Variants in ADCY1 observed in about 807,000 individuals in gnomAD.
ADCY1 encodes the protein adenylate cyclase type 1.
In ADCY1, 28 loss-of-function variants were observed where a neutral mutation model predicts 105.4. The observed-to-expected ratio is 0.27, with a 90% CI of 0.20 to 0.36. The LOEUF is 0.36. Ranked by LOEUF, ADCY1 falls within the 10% of genes least tolerant of loss-of-function variation. The pLI, the probability that ADCY1 is intolerant of heterozygous loss-of-function variation, is 1.00. For synonymous variants in ADCY1, 655 were observed against 623.8 expected, an observed-to-expected ratio of 1.05 and a Z score of -0.75; for missense variants, 977 against 1,434.2, an observed-to-expected ratio of 0.68 and a Z score of 5.15.
Position 45,577,013 on chromosome 7 carries a change from A to G in ADCY1, c.639+1831A>G, listed in dbSNP as rs553153862. ...AAAAGAGAGAGGGGAGAGTCTATAA[A>G]GGAGTTTCTGGACACAGGGAACTCT... On this transcript the variant is annotated intron_variant, in intron 1 of 19. Transcript: ENST00000297323. Among the ~76,000 whole-genome samples the G allele has an allele frequency of 3.6e-4, 55 of 152,342 alleles. 1 individual carries two copies. Among genetic ancestry groups the G allele is most frequent in the African/African-American group, 1.3e-3 (54 of 41,570 alleles).
In ADCY1 at chr7:45,660,148, G is replaced by A. The variant is rs1795055833; in HGVS notation, c.1414G>A (p.Glu472Lys). The change falls in exon 7 of 20, where the codon GAA becomes AAA. Residue 472 changes from glutamate (E) to lysine (K), a missense_variant. By Grantham distance (56) the Glu-to-Lys change is moderately conservative. Transcript: ENST00000297323. ...CAGTTTCTTGAAAACTCATAACATC[G>A]AAACCTTTTTTATTGTGCCATCCCA... ...RNSFLKTHNI[E>K]TFFIVPSHRR... The A allele has an allele frequency of 6.2e-7, 1 of 1,614,116 alleles. No homozygotes were observed. The highest frequency in any genetic ancestry group is 1.3e-5 in the African/African-American group (1 of 74,948).
At chr7:45,600,442 C>T (rs1224442347) in intron 2 of ADCY1, among the ~76,000 whole-genome samples, 11 of 152,240 alleles carry the variant, frequency 7.2e-5, no homozygotes, top group African/African-American at 1.2e-4. Flanking sequence ...TGACCCCACT[C>T]GCTGAGGAAG....
intron 14 of ADCY1, among the ~76,000 whole-genome samples, chr7:45,687,746 G>A (rs959344479): frequency 4.6e-5 from 7 of 152,342 alleles, no homozygotes; most frequent in African/African-American, 1.7e-4. Context: ...GGCCACTAAA[G>A]TAACATGCCA....
chr7:45,581,085 C>T (rs1584244284), intron 1 of ADCY1, among the ~76,000 whole-genome samples: 1 of 152,154 alleles, frequency 6.6e-6, no homozygotes, highest in Non-Finnish European at 1.5e-5. Context: ...TCTGGCATTT[C>T]AGGGGCTCTA....
At chr7:45,680,973 C>T (rs1305997914) in intron 11 of ADCY1, among the ~76,000 whole-genome samples, 3 of 152,226 alleles carry the variant, frequency 2.0e-5, no homozygotes, top group African/African-American at 4.8e-5. Flanking sequence ...CTGATTCTTG[C>T]GAGTGGATGT....
intron 10 of ADCY1, 42 bp from the exon 11 acceptor site, chr7:45,679,665 CTA>C: frequency 6.2e-7 from 1 of 1,607,326 alleles, no homozygotes; most frequent in Non-Finnish European, 8.5e-7. Context: ...TCCGCCTCTC[CTA>C]ATCCCCACCT....
At chr7:45,694,267 A>G (rs1784839485) in intron 14 of ADCY1, among the ~76,000 whole-genome samples, 1 of 152,236 alleles carries the variant, frequency 6.6e-6, no homozygotes, top group South Asian at 2.1e-4. Flanking sequence ...AAAAGGATTC[A>G]AATCATACAA....
chr7:45,679,658 G>A (rs368949138), intron 10 of ADCY1, 51 bp from the exon 11 acceptor site: 25 of 1,592,824 alleles, frequency 1.6e-5, no homozygotes, highest in African/African-American at 2.7e-5. Context: ...TCTTGGGTCC[G>A]CCTCTCCTAA....
intron 12 of ADCY1, 64 bp from the exon 13 acceptor site, chr7:45,685,898 A>C: frequency 6.5e-7 from 1 of 1,541,100 alleles, no homozygotes; most frequent in Non-Finnish European, 8.7e-7. Flanking sequence ...ACACCTGAGC[A>C]TGCTTAGGGG....
At position 45,574,513 on chromosome 7, in the gene ADCY1, C is replaced by CCCGCGG. The variant is rs1463063009; in HGVS notation, c.-20_-15dup. On this transcript the variant is annotated 5_prime_UTR_variant, in exon 1 of 20. Coordinates refer to ENST00000297323, the MANE Select transcript of ADCY1 (RefSeq NM_021116.4). This position sits in a 1 kb window ranked among gnomAD's most constrained non-coding sequence, Gnocchi z 7.0. ...GCGCCCCGGGCCGGCGAGGGGCGCG[C>CCCGCGG]CCGCGGCCGCGGCCGCTGCATGGCG... is the stretch of plus-strand genomic sequence containing the variant. 4 of 973,342 alleles carry CCCGCGG rather than the reference C, an allele frequency of 4.1e-6. No individual in the cohort carries two copies. Among genetic ancestry groups the CCCGCGG allele is most frequent in the Non-Finnish European group, 4.9e-6 (4 of 823,576 alleles). 60.3% of individuals were successfully genotyped at this position (973,342 alleles called of 1,614,324 possible).
chr7:45,587,925 T>C (rs1221012042), intron 1 of ADCY1, among the ~76,000 whole-genome samples: 1 of 152,176 alleles, frequency 6.6e-6, no homozygotes, highest in East Asian at 1.9e-4. Context: ...TTCTCTTTAC[T>C]TTTCCTTTTC....
At chr7:45,643,779 C>T (rs985371025) in intron 4 of ADCY1, among the ~76,000 whole-genome samples, 1 of 152,162 alleles carries the variant, frequency 6.6e-6, no homozygotes, top group African/African-American at 2.4e-5. Flanking sequence ...CTGGGTTTCC[C>T]CTTGCCCCTC....
chr7:45,598,639 T>C (rs1018877515), intron 2 of ADCY1, among the ~76,000 whole-genome samples: 1 of 151,946 alleles, frequency 6.6e-6, no homozygotes, highest in Admixed American at 6.6e-5. Flanking sequence ...CCAAAGATGA[T>C]CCGCAAAGAA....
rs373049582 is a variant in ADCY1, at chr7:45,697,912, TG to T, written c.2455-5459del. 1.4e-3 allele frequency among the ~76,000 whole-genome samples: 206 copies of T among 152,304 alleles called. 3 individuals carry two copies. The highest frequency in any genetic ancestry group is 4.8e-3 in the African/African-American group (201 of 41,580). On this transcript the variant is annotated intron_variant, in intron 14 of 19. Coordinates refer to ENST00000297323, the MANE Select transcript of ADCY1 (RefSeq NM_021116.4). ...ACCACCGCCGGTCCCAGCATTTCTGTGGGGGTTGGATGTTGGATAGTCCTGG... is the reference window on the plus strand; with the variant it reads ...ACCACCGCCGGTCCCAGCATTTCTGTGGGGTTGGATGTTGGATAGTCCTGG...
At chr7:45,674,296 C>T (rs1294704605) in intron 8 of ADCY1, among the ~76,000 whole-genome samples, 1 of 152,006 alleles carries the variant, frequency 6.6e-6, no homozygotes, top group Non-Finnish European at 1.5e-5. Context: ...TTGATGATGT[C>T]TTAGCTTATT....
rs150633875 is a variant in ADCY1 at position 45,638,598 on chromosome 7, A to G, written c.1021-10072A>G. Among the ~76,000 whole-genome samples the G allele has an allele frequency of 4.0e-5, 6 of 151,852 alleles. No individual in the cohort carries two copies. In the East Asian group the frequency reaches 1.2e-3, roughly 29 times the overall value. ...GCCTGAGTCAGTTTTTGAGGAGCAC[A>G]TAGGAGGATGTGTGTGCCTCATATG... is the stretch of plus-strand genomic sequence containing the variant. On this transcript the variant is annotated intron_variant, in intron 4 of 19. Transcript: ENST00000297323.
chr7:45,594,220 G>A (rs1021227305), intron 2 of ADCY1, among the ~76,000 whole-genome samples: 5 of 152,148 alleles, frequency 3.3e-5, no homozygotes, highest in African/African-American at 7.2e-5. Context: ...GTGTGTATGC[G>A]CATGTGTTGA....
intron 14 of ADCY1, among the ~76,000 whole-genome samples, chr7:45,702,907 G>C (rs73694837): frequency 0.026 from 3,988 of 152,314 alleles, 177 homozygotes; most frequent in African/African-American, 0.091. Context: ...GAGGGATGTG[G>C]CTCTAGTGAA....
intron 1 of ADCY1, among the ~76,000 whole-genome samples, chr7:45,582,281 G>A (rs1792573886): frequency 6.6e-6 from 1 of 152,138 alleles, no homozygotes; most frequent in Admixed American, 6.5e-5. Context: ...CTGTGTCTCA[G>A]CAGCACCACC....
Sources: gnomAD v4.1 joint callset for allele counts (sites outside exome capture counted in the v4.1 genomes callset) on GRCh38, gnomAD v4.1.1 for gene constraint, Gnocchi (gnomAD v3.1) non-coding constraint, MANE v1.5 for transcripts, NCBI Gene and HGNC (gene_info 2026-07-23, HGNC 2026-07-21) for gene names.